The following AFTPH variants were observed in gnomAD, a reference collection of about 807,000 sequenced individuals.
AFTPH encodes aftiphilin, also known as aftiphilin protein.
AFTPH carries 7 observed loss-of-function variants against 72.5 expected under a neutral mutation model. The ratio of observed to expected loss-of-function variants is 0.10; its 90% CI spans 0.05 to 0.18. AFTPH has a LOEUF of 0.18. Ranked by LOEUF, AFTPH falls within the 10% of genes least tolerant of loss-of-function variation. The pLI, the probability that AFTPH is intolerant of heterozygous loss-of-function variation, is 1.00. For missense variants in AFTPH, 979 were observed against 1,060.5 expected (o/e 0.92, Z 1.07); for synonymous variants, 337 against 370.1 (o/e 0.91, Z 1.03).
At chr2:64,531,602 A>C (rs1381544714) in intron 1 of AFTPH, among the ~76,000 whole-genome samples, 1 of 152,238 alleles carries the variant, frequency 6.6e-6, no homozygotes, top group Non-Finnish European at 1.5e-5. Flanking sequence ...ATCTTCTAGA[A>C]CTATCTTGTC....
In AFTPH at chr2:64,576,467, A is replaced by C. The variant is rs140777563; in HGVS notation, c.2395-3019A>C. ...TGCATCTCTTGTTTAGAAATTTATT[A>C]ACTTAGTTTAAGGGTGAAAACAGTA... is the stretch of plus-strand genomic sequence containing the variant. On this transcript the variant is annotated intron_variant, in intron 6 of 8. Transcript: ENST00000238856. 3.9e-3 allele frequency among the ~76,000 whole-genome samples: 592 copies of C among 152,220 alleles called. 1 individual carries two copies. Among genetic ancestry groups the C allele is most frequent in the Non-Finnish European group, 6.3e-3 (429 of 68,020 alleles).
intron 1 of AFTPH, among the ~76,000 whole-genome samples, chr2:64,528,085 A>G (rs1283068489): frequency 6.6e-6 from 1 of 152,254 alleles, no homozygotes; most frequent in Non-Finnish European, 1.5e-5. Flanking sequence ...GCTAACTTGA[A>G]GATAAACCTT....
At chr2:64,569,257 C>A in intron 4 of AFTPH, 39 bp downstream of exon 4, 2 of 1,573,130 alleles carry the variant, frequency 1.3e-6, no homozygotes, top group South Asian at 1.2e-5. Flanking sequence ...TTTAATCAAC[C>A]TGTGGATGTT....
intron 1 of AFTPH, among the ~76,000 whole-genome samples, chr2:64,541,991 C>G (rs1484046579): frequency 6.6e-6 from 1 of 151,746 alleles, no homozygotes; most frequent in East Asian, 2.0e-4. Context: ...TCTACAATAT[C>G]TTTTCCTTCA....
At chr2:64,583,411 G>C (rs1390343224) in intron 7 of AFTPH, among the ~76,000 whole-genome samples, 1 of 144,176 alleles carries the variant, frequency 6.9e-6, no homozygotes, top group Non-Finnish European at 1.5e-5. Flanking sequence ...TTTTGGGGGG[G>C]GTTTTGGTGT....
intron 2 of AFTPH, among the ~76,000 whole-genome samples, chr2:64,553,611 G>A (rs575108782): frequency 2.0e-5 from 3 of 150,804 alleles, no homozygotes; most frequent in African/African-American, 7.3e-5. Flanking sequence ...GTAAAGCGCA[G>A]TAAGATTTTT....
exon 6 of AFTPH, chr2:64,573,006 T>A (rs767156333): frequency 6.2e-7 from 1 of 1,614,042 alleles, no homozygotes; most frequent in South Asian, 1.1e-5. Flanking sequence ...AAAAATAGCT[T>A]CCATCGGTCA....
chr2:64,525,915 A>G (rs1207534955), intron 1 of AFTPH, among the ~76,000 whole-genome samples: 1 of 152,250 alleles, frequency 6.6e-6, no homozygotes, highest in Non-Finnish European at 1.5e-5. Flanking sequence ...TAAAACATCT[A>G]GCCCAGTAAA....
chr2:64,540,873 T>C (rs1389803306), intron 1 of AFTPH, among the ~76,000 whole-genome samples: 2 of 152,274 alleles, frequency 1.3e-5, no homozygotes, highest in East Asian at 1.9e-4. Context: ...TACTGTACTT[T>C]CTTGTCTTGT....
intron 1 of AFTPH, among the ~76,000 whole-genome samples, chr2:64,539,763 TA>T (rs1670109813): frequency 6.6e-6 from 1 of 152,162 alleles, no homozygotes; most frequent in African/African-American, 2.4e-5. Flanking sequence ...TCAAATAAAG[TA>T]ACTCTTGAAA....
At chr2:64,566,429 T>G (rs536846995) in intron 2 of AFTPH, among the ~76,000 whole-genome samples, 1 of 152,182 alleles carries the variant, frequency 6.6e-6, no homozygotes, top group Non-Finnish European at 1.5e-5. Flanking sequence ...TTTTTTTTTT[T>G]AATTTTCCTG....
chr2:64,562,520 T>C (rs947508807), intron 2 of AFTPH, among the ~76,000 whole-genome samples: 2 of 152,184 alleles, frequency 1.3e-5, no homozygotes, highest in Non-Finnish European at 2.9e-5. Flanking sequence ...ACACTGAAAC[T>C]ATACTTCCTG....
At chr2:64,569,211 G>A (rs1280487180) in exon 4 of AFTPH, 8 of 1,611,898 alleles carry the variant, frequency 5.0e-6, no homozygotes, top group Non-Finnish European at 6.8e-6. Context: ...ATAGACACCC[G>A]AAACATTGTG....
intron 2 of AFTPH, among the ~76,000 whole-genome samples, chr2:64,561,853 A>G (rs1671763561): frequency 6.6e-6 from 1 of 152,234 alleles, no homozygotes; most frequent in Non-Finnish European, 1.5e-5. Flanking sequence ...GTTGAAAACA[A>G]TGAATTGTAG....
chr2:64,575,608 C>T (rs1430894008), intron 6 of AFTPH, among the ~76,000 whole-genome samples: 1 of 151,768 alleles, frequency 6.6e-6, no homozygotes. Context: ...CAGAGTAAAA[C>T]CCTGCCTCGA....
intron 6 of AFTPH, among the ~76,000 whole-genome samples, chr2:64,574,817 T>TA (rs1472588477): frequency 3.3e-5 from 5 of 152,246 alleles, no homozygotes; most frequent in African/African-American, 9.6e-5. Flanking sequence ...GCTGCCCTGA[T>TA]ACGCCCTCTG....
At chr2:64,592,115 TAAAAAA>T in exon 9 of AFTPH, 6 of 846,498 alleles carry the variant, frequency 7.1e-6, no homozygotes, top group African/African-American at 3.9e-5. Context: ...CTGCTCTAAT[TAAAAAA>T]AAAAAAAAAA....
chr2:64,570,170 TTTG>T (rs1468228618), intron 5 of AFTPH, among the ~76,000 whole-genome samples: 2 of 152,216 alleles, frequency 1.3e-5, no homozygotes, highest in Non-Finnish European at 2.9e-5. Flanking sequence ...TGTGTTGAAT[TTTG>T]TTTTTTCAGA....
At chr2:64,575,747 A>ATT (rs201920735) in intron 6 of AFTPH, among the ~76,000 whole-genome samples, 8,285 of 109,680 alleles carry the variant, frequency 0.076, 709 homozygotes, top group East Asian at 0.25. Flanking sequence ...GTGTGTATAT[A>ATT]TTTTTTTTGG....
Sources: gnomAD v4.1 joint callset for allele counts (sites outside exome capture counted in the v4.1 genomes callset) on GRCh38, gnomAD v4.1.1 for gene constraint, MANE v1.5 for transcripts, NCBI Gene and HGNC (gene_info 2026-07-23, HGNC 2026-07-21) for gene names.